The following MOB1A variants were observed in gnomAD, a reference collection of about 807,000 sequenced individuals.
MOB1A encodes the protein MOB1 Mps One Binder homolog A.
Under a neutral mutation model 25.1 loss-of-function variants are expected in MOB1A, and 10 were observed. The observed-to-expected ratio is 0.40, with a 90% CI of 0.25 to 0.68. The LOEUF is 0.68. Among genes scored for constraint, MOB1A ranks in the 30% least tolerant of loss-of-function variants. The probability of loss-of-function intolerance (pLI) is 0.40; values close to 1 mark genes in which losing one functional copy is unlikely to be tolerated. For missense variants in MOB1A, 177 were observed against 256.3 expected, an observed-to-expected ratio of 0.69 and a Z score of 2.11; for synonymous variants, 81 against 79.5, an observed-to-expected ratio of 1.02 and a Z score of -0.10.
chr2:74,173,351 G>T, intron 1 of MOB1A: 1 of 295,216 alleles, frequency 3.4e-6, no homozygotes, highest in Non-Finnish European at 6.7e-6. Flanking sequence ...TTGAGAAACT[G>T]AACCTTCTTT....
At chr2:74,169,045 A>G (rs1032652435) in intron 2 of MOB1A, among the ~76,000 whole-genome samples, 1 of 152,252 alleles carries the variant, frequency 6.6e-6, no homozygotes, top group Non-Finnish European at 1.5e-5. Context: ...TGAATACAGA[A>G]ACGGATATAA....
chr2:74,159,829 A>C (rs10206337), intron 4 of MOB1A, among the ~76,000 whole-genome samples: 1,834 of 91,342 alleles, frequency 0.02, 36 homozygotes, highest in African/African-American at 0.056. Flanking sequence ...CCCCCCCCCC[A>C]CCCCGGAGAC....
chr2:74,156,370 T>C lies in MOB1A; in HGVS notation c.*198A>G. ...AGAGTGGTCACACAGTACTTAAGAT[T>C]TGGCTGTGTCCTTAAGGTCTTACTC... On this transcript the variant is annotated 3_prime_UTR_variant, in exon 6 of 6. Transcript: ENST00000396049. 1 of 577,014 alleles carries C rather than the reference T, an allele frequency of 1.7e-6. No homozygotes were observed. Among genetic ancestry groups the C allele is most frequent in the Non-Finnish European group, 3.1e-6 (1 of 325,934 alleles). The allele number at this position is 577,014 out of a possible 1,614,324, so 35.7% of individuals were successfully genotyped here.
intron 4 of MOB1A, among the ~76,000 whole-genome samples, chr2:74,161,891 A>C (rs1401976479): frequency 2.0e-5 from 3 of 152,128 alleles, no homozygotes; most frequent in Non-Finnish European, 4.4e-5. Flanking sequence ...TGGGAGGTCA[A>C]GTCCACAGTG....
chr2:74,169,314 C>T (rs1693217342), intron 2 of MOB1A, among the ~76,000 whole-genome samples: 1 of 151,954 alleles, frequency 6.6e-6, no homozygotes, highest in Admixed American at 6.6e-5. Context: ...ACAACCTGGC[C>T]AACATGCCAA....
At chr2:74,170,296 C>T (rs150229648) in intron 2 of MOB1A, among the ~76,000 whole-genome samples, 3,082 of 151,982 alleles carry the variant, frequency 0.02, 91 homozygotes, top group African/African-American at 0.071. Context: ...TGCCACCACA[C>T]CTAGCTAAAT....
intron 4 of MOB1A, among the ~76,000 whole-genome samples, chr2:74,161,457 C>CTGGTTAGTAGAG (rs1558832456): frequency 9.2e-5 from 14 of 151,898 alleles, no homozygotes; most frequent in Admixed American, 3.9e-4. Flanking sequence ...TCCTGGCTAA[C>CTGGTTAGTAGAG]ACAGTGAAAC....
In MOB1A at chr2:74,155,348, G is replaced by A. The variant is rs1692772708; in HGVS notation, c.*1220C>T. On this transcript the variant is annotated 3_prime_UTR_variant, in exon 6 of 6. Transcript: ENST00000396049. Reference sequence around the variant, plus strand: ...ACAATTAAAACAAGATAAAACCCAAGTGGAAGCTCAGTCCATCTTTTGAAT... The same window carrying A: ...ACAATTAAAACAAGATAAAACCCAAATGGAAGCTCAGTCCATCTTTTGAAT... 6.6e-6 allele frequency: 1 copy of A among 152,622 alleles called. No individual in the cohort carries two copies. The highest frequency in any genetic ancestry group is 2.4e-5 in the African/African-American group (1 of 41,448). 9.5% of individuals were successfully genotyped at this position (152,622 alleles called of 1,614,324 possible).
Position 74,154,732 on chromosome 2 carries a change from T to C in MOB1A, c.*1836A>G, listed in dbSNP as rs771057778. On this transcript the variant is annotated 3_prime_UTR_variant, in exon 6 of 6. Transcript: ENST00000396049. ...GGCAGTTCACATCCTAAGTGATACC[T>C]AGAAACCTGCTTTCTTGTTCGCAAA... 1.4e-4 allele frequency: 22 copies of C among 152,364 alleles called. No individual in the cohort carries two copies. Among genetic ancestry groups the C allele is most frequent in the Non-Finnish European group, 2.6e-4 (18 of 68,032 alleles). 9.4% of individuals were successfully genotyped at this position (152,364 alleles called of 1,614,324 possible).
Position 74,153,714 on chromosome 2 carries a change from G to A in MOB1A, c.*2854C>T, listed in dbSNP as rs985138832. The A allele has an allele frequency of 6.6e-6, 1 of 152,214 alleles. No individual in the cohort carries two copies. Among genetic ancestry groups the A allele is most frequent in the Non-Finnish European group, 1.5e-5 (1 of 68,040 alleles). The allele number at this position is 152,214 out of a possible 1,614,324, so 9.4% of individuals were successfully genotyped here. On this transcript the variant is annotated 3_prime_UTR_variant, in exon 6 of 6. Transcript: ENST00000396049. The stretch of plus-strand genomic sequence containing the variant: ...TAGGATTAACTGCATAATTTAGCAA[G>A]CACTCTCTACCCCATGACTGTAATC...
chr2:74,178,618 C>A, intron 1 of MOB1A, 43 bp downstream of exon 1: 2 of 1,371,298 alleles, frequency 1.5e-6, no homozygotes, highest in South Asian at 1.7e-5. Flanking sequence ...TCCCCCACAA[C>A]CTCGGCCCGC....
At chr2:74,171,448 A>G (rs2103734363) in intron 2 of MOB1A, among the ~76,000 whole-genome samples, 1 of 152,362 alleles carries the variant, frequency 6.6e-6, no homozygotes, top group South Asian at 2.1e-4. Context: ...TGAAATATTT[A>G]TAGATAAAAC....
chr2:74,177,307 C>T (rs1027378541), intron 1 of MOB1A, among the ~76,000 whole-genome samples: 1 of 152,014 alleles, frequency 6.6e-6, no homozygotes, highest in Admixed American at 6.6e-5. Context: ...GAGCCGAGAC[C>T]GTGCCATTGC....
chr2:74,176,074 C>A (rs892175254), intron 1 of MOB1A, among the ~76,000 whole-genome samples: 1 of 131,700 alleles, frequency 7.6e-6, no homozygotes. Context: ...AGTGAAACCC[C>A]GCCTCTACTA....
chr2:74,177,268 G>A (rs1292384061), intron 1 of MOB1A, among the ~76,000 whole-genome samples: 3 of 151,972 alleles, frequency 2.0e-5, no homozygotes, highest in African/African-American at 7.3e-5. Context: ...AGCCGAGACC[G>A]TGCCATCCCC....
At chr2:74,176,219 T>G (rs1693454970) in intron 1 of MOB1A, among the ~76,000 whole-genome samples, 1 of 124,984 alleles carries the variant, frequency 8.0e-6, no homozygotes, top group South Asian at 2.4e-4. Flanking sequence ...GAGGTTGCAG[T>G]GAGCTGAGAT....
chr2:74,170,173 G>T (rs1693247014), intron 2 of MOB1A, among the ~76,000 whole-genome samples: 1 of 151,454 alleles, frequency 6.6e-6, no homozygotes, highest in Admixed American at 6.6e-5. Context: ...ATGGAGTCTT[G>T]CTCTGTCGCC....
chr2:74,173,293 A>G, intron 1 of MOB1A: 1 of 475,398 alleles, frequency 2.1e-6, no homozygotes, highest in Non-Finnish European at 4.2e-6. Context: ...TCTGGTACAG[A>G]GAAACATCCT....
At chr2:74,173,383 T>G (rs1201527947) in intron 1 of MOB1A, among the ~76,000 whole-genome samples, 2 of 143,920 alleles carry the variant, frequency 1.4e-5, no homozygotes, top group African/African-American at 5.2e-5. Context: ...TCGGTTTTTT[T>G]TTTTTTTTTT....
Sources: gnomAD v4.1 joint callset for allele counts (sites outside exome capture counted in the v4.1 genomes callset) on GRCh38, gnomAD v4.1.1 for gene constraint, MANE v1.5 for transcripts, NCBI Gene and HGNC (gene_info 2026-07-23, HGNC 2026-07-21) for gene names.